KCNT2: variants seen among roughly 807,000 people sequenced by gnomAD.
KCNT2 encodes potassium sodium-activated channel subfamily T member 2, also known as potassium channel subfamily T member 2.
KCNT2 carries 67 observed loss-of-function variants against 153.8 expected under a neutral mutation model. The observed-to-expected ratio is 0.44, with a 90% confidence interval of 0.36 to 0.53. The LOEUF is 0.53. Among genes scored for constraint, KCNT2 ranks in the 20% least tolerant of loss-of-function variants. The pLI, the probability that KCNT2 is intolerant of heterozygous loss-of-function variation, is 0.00. For synonymous variants in KCNT2, 500 were observed against 458.8 expected, an observed-to-expected ratio of 1.09 and a Z score of -1.15; for missense variants, 975 against 1,354.8, an observed-to-expected ratio of 0.72 and a Z score of 4.40.
Position 196,303,035 on chromosome 1 carries a change from G to C in KCNT2, c.2595+2199C>G, listed in dbSNP as rs1207386809. Reference sequence around the variant, plus strand: ...ATCTTAAAAAAAAAAAAAATACCCTGATGACAAAAGTCCCTTCCCTTTTCC... The same window carrying C: ...ATCTTAAAAAAAAAAAAAATACCCTCATGACAAAAGTCCCTTCCCTTTTCC... On this transcript the variant is annotated intron_variant, in intron 22 of 27. Coordinates refer to ENST00000294725, the MANE Select transcript of KCNT2 (RefSeq NM_198503.5). Among the ~76,000 whole-genome samples, 3 of 150,894 alleles carry C rather than the reference G, an allele frequency of 2.0e-5. No homozygotes were observed. The South Asian group carries it at 6.2e-4, about 31-fold the overall frequency.
chr1:196,593,757 T>G (rs1663708602), intron 1 of KCNT2, among the ~76,000 whole-genome samples: 1 of 152,056 alleles, frequency 6.6e-6, no homozygotes, highest in Non-Finnish European at 1.5e-5. Context: ...AGATATGACT[T>G]TCTACACATT....
At chr1:196,431,581 T>C (rs1412978842) in intron 8 of KCNT2, among the ~76,000 whole-genome samples, 1 of 152,040 alleles carries the variant, frequency 6.6e-6, no homozygotes, top group East Asian at 1.9e-4. Flanking sequence ...TATTACAAAG[T>C]GGTAAAACTT....
At chr1:196,596,179 T>C (rs1012702024) in intron 1 of KCNT2, among the ~76,000 whole-genome samples, 2 of 151,522 alleles carry the variant, frequency 1.3e-5, no homozygotes, top group African/African-American at 2.5e-5. Flanking sequence ...GTAATGCTGC[T>C]ATAAATATGC....
At chr1:196,373,483 C>A (rs993150807) in intron 13 of KCNT2, among the ~76,000 whole-genome samples, 1 of 151,740 alleles carries the variant, frequency 6.6e-6, no homozygotes, top group African/African-American at 2.4e-5. Flanking sequence ...AATTTAGCAA[C>A]CTTTGCTAAA....
At chr1:196,487,502 C>T (rs571660204) in intron 3 of KCNT2, among the ~76,000 whole-genome samples, 21 of 151,162 alleles carry the variant, frequency 1.4e-4, no homozygotes, top group African/African-American at 4.8e-4. Flanking sequence ...AAAAGGTTCA[C>T]AATGACCAGA....
intron 25 of KCNT2, among the ~76,000 whole-genome samples, chr1:196,267,612 A>G (rs912802726): frequency 7.2e-5 from 11 of 152,188 alleles, no homozygotes; most frequent in Non-Finnish European, 1.3e-4. Context: ...TGCATCAACC[A>G]CAGTGGTGCT....
At chr1:196,465,499 C>T (rs1677532655) in intron 7 of KCNT2, 112 bp from the exon 8 acceptor site, 2 of 668,320 alleles carry the variant, frequency 3.0e-6, no homozygotes, top group Non-Finnish European at 5.4e-6. Flanking sequence ...CACATACATA[C>T]ATATGTAAAT....
At chr1:196,331,348 C>T (rs564539204) in intron 17 of KCNT2, 87 bp from the exon 18 acceptor site, 96 of 759,186 alleles carry the variant, frequency 1.3e-4, no homozygotes, top group Middle Eastern at 2.6e-4. Flanking sequence ...GTTTTAATAA[C>T]ATTATAATCA....
intron 9 of KCNT2, among the ~76,000 whole-genome samples, chr1:196,428,620 C>T (rs1673858994): frequency 6.6e-6 from 1 of 152,068 alleles, no homozygotes; most frequent in South Asian, 2.1e-4. Context: ...CTAACCATAT[C>T]TCATGCAATA....
intron 1 of KCNT2, among the ~76,000 whole-genome samples, chr1:196,507,653 T>A (rs190972620): frequency 2.6e-5 from 4 of 152,234 alleles, no homozygotes; most frequent in Admixed American, 2.6e-4. Flanking sequence ...ATTAATGAGG[T>A]GTATAAAATT....
chr1:196,382,042 G>T (rs1290175039), intron 13 of KCNT2, among the ~76,000 whole-genome samples: 1 of 150,488 alleles, frequency 6.6e-6, no homozygotes, highest in Non-Finnish European at 1.5e-5. Context: ...TGCTCTGAGG[G>T]AATGAAAAAA....
chr1:196,393,754 A>C (rs1670683441), intron 13 of KCNT2, among the ~76,000 whole-genome samples: 1 of 151,492 alleles, frequency 6.6e-6, no homozygotes, highest in African/African-American at 2.4e-5. Flanking sequence ...TTTGCAACTG[A>C]GGAGGGGAAT....
intron 14 of KCNT2, among the ~76,000 whole-genome samples, chr1:196,372,676 A>G (rs1668636482): frequency 6.6e-6 from 1 of 151,944 alleles, no homozygotes; most frequent in African/African-American, 2.4e-5. Context: ...CTTTGTTATT[A>G]TTCTATTATA....
intron 17 of KCNT2, among the ~76,000 whole-genome samples, chr1:196,332,977 G>C (rs2148112524): frequency 6.6e-6 from 1 of 151,646 alleles, no homozygotes; most frequent in South Asian, 2.1e-4. Context: ...TAAAGTTTGA[G>C]ACCAGCCACA....
intron 8 of KCNT2, among the ~76,000 whole-genome samples, chr1:196,442,405 G>C (rs1675313600): frequency 6.6e-6 from 1 of 151,802 alleles, no homozygotes; most frequent in African/African-American, 2.4e-5. Context: ...TTTTGGCAAA[G>C]ACACTGGTAT....
chr1:196,462,486 C>A (rs1677234788), intron 8 of KCNT2, among the ~76,000 whole-genome samples: 2 of 151,326 alleles, frequency 1.3e-5, no homozygotes, highest in Admixed American at 1.3e-4. Flanking sequence ...CACAGTGGTT[C>A]CCTCTTATAG....
chr1:196,532,544 A>G (rs952416468), intron 1 of KCNT2, among the ~76,000 whole-genome samples: 1 of 151,978 alleles, frequency 6.6e-6, no homozygotes, highest in Non-Finnish European at 1.5e-5. Context: ...CCAGCCTTGA[A>G]TTTTCACACC....
chr1:196,523,144 A>T (rs1653700529), intron 1 of KCNT2, among the ~76,000 whole-genome samples: 1 of 152,112 alleles, frequency 6.6e-6, no homozygotes, highest in South Asian at 2.1e-4. Context: ...AGGAGGAACA[A>T]ACAACTCTGG....
chr1:196,469,189 T>C, intron 5 of KCNT2, 121 bp from the exon 6 acceptor site: 2 of 607,360 alleles, frequency 3.3e-6, no homozygotes, highest in Non-Finnish European at 6.0e-6. Flanking sequence ...GAATACTGAA[T>C]ATTATATAGA....
Sources: gnomAD v4.1 joint callset for allele counts (sites outside exome capture counted in the v4.1 genomes callset) on GRCh38, gnomAD v4.1.1 for gene constraint, MANE v1.5 for transcripts, NCBI Gene and HGNC (gene_info 2026-07-23, HGNC 2026-07-21) for gene names.